AGMO: variants seen among roughly 807,000 people sequenced by gnomAD.
AGMO encodes the protein alkylglycerol monooxygenase, also known as glyceryl-ether monooxygenase.
Under a neutral mutation model 60.2 loss-of-function variants are expected in AGMO, and 75 were observed. The observed-to-expected ratio is 1.25, with a 90% CI of 1.03 to 1.51. The LOEUF (loss-of-function observed/expected upper bound fraction) is 1.51, where lower values mean the gene tolerates loss of function less well. AGMO is among the 40% of genes most tolerant of loss of function. The pLI, the probability that AGMO is intolerant of heterozygous loss-of-function variation, is 0.00. For missense variants in AGMO, 763 were observed against 525.5 expected (o/e 1.45, Z -4.42); for synonymous variants, 261 against 177.1 (o/e 1.47, Z -3.76).
intron 3 of AGMO, among the ~76,000 whole-genome samples, chr7:15,453,882 T>A (rs1471763438): frequency 6.6e-6 from 1 of 150,998 alleles, no homozygotes. Context: ...GGATTGTTTT[T>A]AAAATATATA....
At chr7:15,368,986 A>C (rs184567540) in intron 10 of AGMO, among the ~76,000 whole-genome samples, 2 of 152,108 alleles carry the variant, frequency 1.3e-5, no homozygotes, top group East Asian at 3.9e-4. Flanking sequence ...CTCCTCTACA[A>C]CATATATTCA....
At chr7:15,453,971 A>T (rs190500352) in intron 3 of AGMO, among the ~76,000 whole-genome samples, 4,106 of 148,252 alleles carry the variant, frequency 0.028, 74 homozygotes, top group Non-Finnish European at 0.036. Context: ...ACATGTAATT[A>T]TATATTATAT....
intron 12 of AGMO, among the ~76,000 whole-genome samples, chr7:15,249,096 T>C (rs1314590544): frequency 1.3e-5 from 2 of 152,186 alleles, no homozygotes; most frequent in Admixed American, 6.5e-5. Flanking sequence ...TTAGGTGCCA[T>C]GGATACCAAG....
intron 3 of AGMO, among the ~76,000 whole-genome samples, chr7:15,519,133 G>T (rs1332917741): frequency 6.6e-6 from 1 of 151,294 alleles, no homozygotes; most frequent in East Asian, 2.0e-4. Context: ...GAATGAAAAG[G>T]AACAAACAAA....
intron 3 of AGMO, among the ~76,000 whole-genome samples, chr7:15,511,415 A>G (rs1214105460): frequency 6.6e-6 from 1 of 152,144 alleles, no homozygotes; most frequent in Non-Finnish European, 1.5e-5. Flanking sequence ...ATGACTTTGA[A>G]CAAAACAACT....
chr7:15,561,356 C>A (rs1409212369), intron 1 of AGMO, among the ~76,000 whole-genome samples: 2 of 152,154 alleles, frequency 1.3e-5, no homozygotes, highest in East Asian at 3.9e-4. Context: ...AAGGGGTGGA[C>A]AAGTGAAAGA....
At chr7:15,251,396 T>C (rs1411651255) in intron 12 of AGMO, among the ~76,000 whole-genome samples, 1 of 152,162 alleles carries the variant, frequency 6.6e-6, no homozygotes, top group African/African-American at 2.4e-5. Flanking sequence ...ATTTGTTCCA[T>C]CTGTGATGAA....
chr7:15,192,153 C>T, the AGMO span, among the ~76,000 whole-genome samples: 2 of 151,942 alleles, frequency 1.3e-5, no homozygotes, highest in South Asian at 2.1e-4. Flanking sequence ...TGTGGGATTC[C>T]CGACCAAAGG....
intron 12 of AGMO, among the ~76,000 whole-genome samples, chr7:15,343,858 C>T (rs1781941211): frequency 6.6e-6 from 1 of 152,106 alleles, no homozygotes; most frequent in South Asian, 2.1e-4. Flanking sequence ...ACTTGCCTTT[C>T]TTGTAGTATG....
intron 12 of AGMO, among the ~76,000 whole-genome samples, chr7:15,269,974 G>T (rs556922321): frequency 6.6e-6 from 1 of 152,068 alleles, no homozygotes; most frequent in African/African-American, 2.4e-5. Flanking sequence ...AGTATTTCAT[G>T]GTGTATATAT....
chr7:15,121,608 C>T, the AGMO span, among the ~76,000 whole-genome samples: 1 of 151,954 alleles, frequency 6.6e-6, no homozygotes, highest in African/African-American at 2.4e-5. Flanking sequence ...TTGTCAGCTG[C>T]ATAAATGTAG....
At chr7:15,520,070 T>C (rs1474997134) in intron 3 of AGMO, among the ~76,000 whole-genome samples, 4 of 150,872 alleles carry the variant, frequency 2.7e-5, no homozygotes, top group Non-Finnish European at 5.9e-5. Context: ...AAAACATATT[T>C]TACACCAACA....
chr7:15,473,743 A>T (rs910732942), intron 3 of AGMO, among the ~76,000 whole-genome samples: 7 of 152,230 alleles, frequency 4.6e-5, no homozygotes, highest in Admixed American at 1.3e-4. Flanking sequence ...AATAAATGGT[A>T]TTCAAATAGG....
intron 3 of AGMO, among the ~76,000 whole-genome samples, chr7:15,543,808 T>C (rs1160733156): frequency 6.6e-6 from 1 of 151,622 alleles, no homozygotes. Context: ...TCCACTACTG[T>C]TTGATCTGGC....
chr7:15,561,828 G>T lies in AGMO; in HGVS notation c.18C>A (p.Ala6=). 2 of 1,607,198 alleles carry T rather than the reference G, an allele frequency of 1.2e-6. No individual in the cohort carries two copies. The highest frequency in any genetic ancestry group is 4.5e-5 in the East Asian group (2 of 44,618). The change falls in exon 1 of 13, where the codon GCC becomes GCA. Residue 6 remains alanine, a synonymous_variant. Transcript: ENST00000342526. ...CCTGGGAAACTGAAACATCCTGCTG[G>T]GCTTCTGGGTTCTTCATTTCTGCCC... MKNPE[A]QQDVSVSQGF... is the part of the protein sequence containing the mutation.
chr7:15,195,565 A>C (rs1276766295), downstream of AGMO, among the ~76,000 whole-genome samples: 1 of 152,208 alleles, frequency 6.6e-6, no homozygotes. Context: ...CTTACCGTAC[A>C]CGTGGTTAGC....
chr7:15,126,735 T>A, the AGMO span, among the ~76,000 whole-genome samples: 33 of 152,250 alleles, frequency 2.2e-4, no homozygotes, highest in African/African-American at 7.9e-4. Flanking sequence ...TATCTTGAAA[T>A]AACCCTGCAA....
At chr7:15,542,679 T>C (rs16878529) in intron 3 of AGMO, among the ~76,000 whole-genome samples, 5,070 of 152,258 alleles carry the variant, frequency 0.033, 258 homozygotes, top group African/African-American at 0.11. Flanking sequence ...GAGTTTATTT[T>C]AGGGAGAAAA....
chr7:15,445,835 C>T (rs80075646), intron 3 of AGMO, among the ~76,000 whole-genome samples: 1,926 of 152,260 alleles, frequency 0.013, 38 homozygotes, highest in African/African-American at 0.045. Flanking sequence ...GGAAGTCAAT[C>T]ATGGCTTCCA....
Sources: allele counts gnomAD v4.1 joint callset (sites outside exome capture counted in the v4.1 genomes callset), GRCh38; gene constraint gnomAD v4.1.1; transcripts MANE v1.5; gene names NCBI Gene and HGNC (gene_info 2026-07-23, HGNC 2026-07-21).